The following OTC variants were observed in gnomAD, a reference collection of about 807,000 sequenced individuals.
OTC encodes ornithine transcarbamylase, also known as ornithine transcarbamylase, mitochondrial.
A neutral mutation model predicts 30.3 loss-of-function variants in OTC; 3 were observed. That is an observed-to-expected ratio of 0.10 (90% confidence interval 0.05 to 0.26). The LOEUF (loss-of-function observed/expected upper bound fraction) is 0.26, where lower values mean the gene tolerates loss of function less well. OTC is among the 10% of genes least tolerant of loss of function. OTC has a pLI of 1.00. For synonymous variants in OTC, 111 were observed against 99.7 expected (o/e 1.11, Z -0.67); for missense variants, 194 against 260.3 (o/e 0.75, Z 1.75).
chrX:38,392,103 ACAC>A (rs201642556), intron 4 of OTC, among the ~76,000 whole-genome samples: 19,551 of 111,375 alleles, frequency 0.18, 1,558 homozygotes, highest in Middle Eastern at 0.27. Context: ...AATAGGTTGA[ACAC>A]ATGTTTTAAC....
chrX:38,422,152 A>T (rs1338936035), downstream of OTC, among the ~76,000 whole-genome samples: 2 of 112,097 alleles, frequency 1.8e-5, no homozygotes, highest in African/African-American at 6.5e-5. Context: ...TTCTACATTT[A>T]CTATTAGAAA....
chrX:38,398,530 A>T (rs1046315823), intron 4 of OTC, among the ~76,000 whole-genome samples: 1 of 111,446 alleles, frequency 9.0e-6, no homozygotes, highest in African/African-American at 3.3e-5. Flanking sequence ...GTCTGTACAC[A>T]CTTTAGGGAG....
At chrX:38,386,548 T>G (rs1169296718) in intron 4 of OTC, among the ~76,000 whole-genome samples, 1 of 111,379 alleles carries the variant, frequency 9.0e-6, no homozygotes, top group East Asian at 2.8e-4. Context: ...GGTGGACTCA[T>G]GCAATATTTG....
chrX:38,396,834 A>G lies in OTC; in HGVS notation c.387-4441A>G, dbSNP rs1368284745. Among the ~76,000 whole-genome samples, 9 of 111,860 alleles carry G rather than the reference A, an allele frequency of 8.0e-5. No individual in the cohort carries two copies. The Admixed American group carries it at 8.6e-4, about 11-fold the overall frequency. ...TAACTAAGTTAGTATTTTGGAGTAA[A>G]TGGTTATTATCGTTTTCCTCATTGG... On this transcript the variant is annotated intron_variant, in intron 4 of 9. Coordinates refer to ENST00000039007, the MANE Select transcript of OTC (RefSeq NM_000531.6).
chrX:38,416,602 A>G (rs967897438), intron 9 of OTC, among the ~76,000 whole-genome samples: 2 of 112,169 alleles, frequency 1.8e-5, no homozygotes, highest in African/African-American at 6.5e-5. Flanking sequence ...ACTTCTCCCC[A>G]AGTTAGAGTT....
intron 3 of OTC, among the ~76,000 whole-genome samples, chrX:38,372,276 A>G (rs1297596035): frequency 8.9e-6 from 1 of 111,879 alleles, no homozygotes; most frequent in African/African-American, 3.2e-5. Context: ...ATCTCACTCA[A>G]TCCTCATGGC....
intron 6 of OTC, among the ~76,000 whole-genome samples, chrX:38,407,917 T>C (rs1435332678): frequency 2.7e-5 from 3 of 111,668 alleles, no homozygotes; most frequent in Non-Finnish European, 5.7e-5. Context: ...CTGGGATACC[T>C]TGGGGAGCTT....
upstream of OTC, among the ~76,000 whole-genome samples, chrX:38,348,951 T>G (rs1375784060): frequency 8.9e-6 from 1 of 111,821 alleles, no homozygotes; most frequent in African/African-American, 3.3e-5. Context: ...TAACTGGGAC[T>G]AAACTTGAGA....
intron 8 of OTC, among the ~76,000 whole-genome samples, chrX:38,411,177 C>T (rs772696568): frequency 1.5e-4 from 16 of 110,090 alleles, no homozygotes; most frequent in Admixed American, 6.9e-4. Flanking sequence ...AGATCAGCTC[C>T]AAATATAATA....
intron 1 of OTC, among the ~76,000 whole-genome samples, chrX:38,355,298 T>A (rs2068235236): frequency 9.0e-6 from 1 of 111,649 alleles, no homozygotes; most frequent in Non-Finnish European, 1.9e-5. Context: ...TTCCATGTCA[T>A]AAACAAGGCT....
At chrX:38,340,468 T>G in the OTC span, among the ~76,000 whole-genome samples, 3 of 92,404 alleles carry the variant, frequency 3.2e-5, no homozygotes, top group Non-Finnish European at 4.2e-5. Context: ...TGTTTTTTTT[T>G]TTTTGTTTTT....
At chrX:38,373,033 T>A (rs1297615524) in intron 3 of OTC, among the ~76,000 whole-genome samples, 1 of 112,220 alleles carries the variant, frequency 8.9e-6, no homozygotes, top group Non-Finnish European at 1.9e-5. Context: ...ATTGTTTATG[T>A]AACATGTTTA....
At chrX:38,353,101 G>A (rs955579593) in intron 1 of OTC, among the ~76,000 whole-genome samples, 3 of 111,890 alleles carry the variant, frequency 2.7e-5, no homozygotes, top group Non-Finnish European at 5.6e-5. Flanking sequence ...TTATATTTGG[G>A]CTTGCTATAA....
the OTC span, among the ~76,000 whole-genome samples, chrX:38,332,132 G>A: frequency 9.1e-6 from 1 of 109,498 alleles, no homozygotes; most frequent in African/African-American, 3.3e-5. Flanking sequence ...TGTGCTCTTT[G>A]TGATAATCTA....
At chrX:38,364,927 T>C (rs2068288257) in intron 1 of OTC, among the ~76,000 whole-genome samples, 1 of 112,351 alleles carries the variant, frequency 8.9e-6, no homozygotes, top group Non-Finnish European at 1.9e-5. Flanking sequence ...AAAATATCTA[T>C]TCACCCACTG....
At chrX:38,329,980 A>G in the OTC span, among the ~76,000 whole-genome samples, 4 of 112,156 alleles carry the variant, frequency 3.6e-5, no homozygotes, top group Non-Finnish European at 7.5e-5. Context: ...GGCATCTGTG[A>G]GTCTATTGCT....
chrX:38,386,607 G>A (rs760150644), intron 4 of OTC, among the ~76,000 whole-genome samples: 2 of 110,884 alleles, frequency 1.8e-5, no homozygotes, highest in Non-Finnish European at 3.8e-5. Flanking sequence ...CTCCGCGTTC[G>A]TTCGTGATAT....
chrX:38,351,171 C>T (rs779046237), upstream of OTC, among the ~76,000 whole-genome samples: 2 of 112,062 alleles, frequency 1.8e-5, no homozygotes, highest in African/African-American at 6.5e-5. Flanking sequence ...TATCTCACAT[C>T]ATTCTCTGTA....
At chrX:38,333,481 G>A in the OTC span, among the ~76,000 whole-genome samples, 4 of 110,845 alleles carry the variant, frequency 3.6e-5, no homozygotes, top group Admixed American at 9.6e-5. Flanking sequence ...CAACAGTCAC[G>A]CATGCTTTCG....
Sources: gnomAD v4.1 joint callset for allele counts (sites outside exome capture counted in the v4.1 genomes callset) on GRCh38, gnomAD v4.1.1 for gene constraint, MANE v1.5 for transcripts, NCBI Gene and HGNC (gene_info 2026-07-23, HGNC 2026-07-21) for gene names.